ATP10B: variants seen among roughly 807,000 people sequenced by gnomAD.
The protein encoded by ATP10B is phospholipid-transporting ATPase VB.
Under a neutral mutation model 141.2 loss-of-function variants are expected in ATP10B, and 122 were observed. The observed-to-expected ratio is 0.86, with a 90% confidence interval of 0.75 to 1.00. ATP10B has a LOEUF of 1.00. ATP10B is among the 50% of genes least tolerant of loss of function. ATP10B has a pLI of 0.00. For synonymous variants in ATP10B, 685 were observed against 692.0 expected, an observed-to-expected ratio of 0.99 and a Z score of 0.16; for missense variants, 1,876 against 1,825.3, an observed-to-expected ratio of 1.03 and a Z score of -0.51.
chr5:160,789,645 CT>C (rs1431137451), intron 1 of ATP10B, among the ~76,000 whole-genome samples: 1 of 152,122 alleles, frequency 6.6e-6, no homozygotes, highest in Non-Finnish European at 1.5e-5. Context: ...CACTTTGCAT[CT>C]ATTATCTTAA....
chr5:160,735,999 G>A (rs1286847110), intron 2 of ATP10B, among the ~76,000 whole-genome samples: 1 of 152,132 alleles, frequency 6.6e-6, no homozygotes, highest in African/African-American at 2.4e-5. Context: ...GCATTACTAA[G>A]AGGGAAGTTT....
chr5:160,854,749 C>CT (rs796823184), upstream of ATP10B, among the ~76,000 whole-genome samples: 13 of 152,232 alleles, frequency 8.5e-5, no homozygotes, highest in African/African-American at 3.1e-4. Flanking sequence ...GCACTGTCTT[C>CT]TACAATGGTT....
At chr5:160,883,343 G>A in the ATP10B span, among the ~76,000 whole-genome samples, 1 of 152,280 alleles carries the variant, frequency 6.6e-6, no homozygotes, top group Admixed American at 6.5e-5. Context: ...AAGACCTGTG[G>A]TGAGGACAGA....
chr5:160,765,569 G>T (rs1036538679), intron 2 of ATP10B, among the ~76,000 whole-genome samples: 4 of 152,062 alleles, frequency 2.6e-5, no homozygotes. Context: ...AACTCAAGTT[G>T]GATCAAATAC....
intron 7 of ATP10B, among the ~76,000 whole-genome samples, chr5:160,654,374 A>C (rs897940352): frequency 2.6e-5 from 4 of 152,118 alleles, no homozygotes; most frequent in African/African-American, 4.8e-5. Context: ...AGCTCGCCTA[A>C]CTGGACACTT....
At chr5:160,908,204 A>G in the ATP10B span, among the ~76,000 whole-genome samples, 2 of 152,204 alleles carry the variant, frequency 1.3e-5, no homozygotes, top group African/African-American at 4.8e-5. Context: ...AGAGGAAATG[A>G]CATCTACAAA....
chr5:160,581,734 C>T (rs557461238), intron 24 of ATP10B, among the ~76,000 whole-genome samples: 1 of 152,162 alleles, frequency 6.6e-6, no homozygotes, highest in Non-Finnish European at 1.5e-5. Flanking sequence ...GATCTGTCTA[C>T]TATTGACAGT....
At chr5:160,849,806 A>G (rs556132013) in intron 1 of ATP10B, among the ~76,000 whole-genome samples, 4 of 152,316 alleles carry the variant, frequency 2.6e-5, no homozygotes, top group African/African-American at 9.6e-5. Flanking sequence ...TCTTAATAAA[A>G]GGGTATTTTA....
chr5:160,596,700 G>A (rs868203590), intron 22 of ATP10B, among the ~76,000 whole-genome samples: 28 of 151,902 alleles, frequency 1.8e-4, no homozygotes, highest in Admixed American at 1.1e-3. Context: ...CAAAGTCTCA[G>A]GATACAAAAT....
At chr5:160,799,424 C>T (rs192146658) in intron 1 of ATP10B, among the ~76,000 whole-genome samples, 31 of 152,312 alleles carry the variant, frequency 2.0e-4, no homozygotes, top group African/African-American at 4.1e-4. Context: ...TACCTGGTGA[C>T]GCCATGTGTT....
chr5:160,770,830 T>C (rs1181376029), intron 2 of ATP10B, among the ~76,000 whole-genome samples: 1 of 152,226 alleles, frequency 6.6e-6, no homozygotes, highest in Non-Finnish European at 1.5e-5. Context: ...AGTAAACTAC[T>C]GAATAGATGG....
chr5:160,816,887 A>G (rs1191392148), intron 1 of ATP10B, among the ~76,000 whole-genome samples: 1 of 152,234 alleles, frequency 6.6e-6, no homozygotes, highest in African/African-American at 2.4e-5. Flanking sequence ...TATAAACAGA[A>G]CCAAAGACAA....
chr5:160,623,164 C>T (rs1169444370), intron 13 of ATP10B, among the ~76,000 whole-genome samples: 1 of 152,182 alleles, frequency 6.6e-6, no homozygotes, highest in Non-Finnish European at 1.5e-5. Context: ...TTCCTCTGAT[C>T]ACACTTTGCT....
chr5:160,624,921 A>C (rs1447704646), intron 13 of ATP10B, among the ~76,000 whole-genome samples: 1 of 152,168 alleles, frequency 6.6e-6, no homozygotes, highest in Non-Finnish European at 1.5e-5. Context: ...GATTCCAGGG[A>C]CCATCTAGTG....
chr5:160,672,380 C>T (rs527589124), intron 6 of ATP10B, among the ~76,000 whole-genome samples: 1 of 152,256 alleles, frequency 6.6e-6, no homozygotes, highest in East Asian at 1.9e-4. Flanking sequence ...ATTCCACCTT[C>T]TACCATTCTT....
chr5:160,652,948 A>G (rs1234478080), intron 7 of ATP10B, among the ~76,000 whole-genome samples: 3 of 89,532 alleles, frequency 3.4e-5, no homozygotes, highest in East Asian at 2.9e-4. Flanking sequence ...TGTATATATA[A>G]TATATTATAT....
At chr5:160,742,588 T>C (rs1337428768) in intron 2 of ATP10B, among the ~76,000 whole-genome samples, 4 of 152,194 alleles carry the variant, frequency 2.6e-5, no homozygotes, top group African/African-American at 9.7e-5. Context: ...ATAGGTATTG[T>C]CAAAGAAACA....
chr5:160,825,479 T>C (rs1339332935), intron 1 of ATP10B, among the ~76,000 whole-genome samples: 3 of 152,316 alleles, frequency 2.0e-5, no homozygotes, highest in African/African-American at 4.8e-5. Context: ...TCCACCAACA[T>C]TGTGAGGCCT....
chr5:160,577,127 A>G (rs1182701473), intron 24 of ATP10B, among the ~76,000 whole-genome samples: 1 of 152,222 alleles, frequency 6.6e-6, no homozygotes, highest in Admixed American at 6.5e-5. Context: ...TGCAAGTGAC[A>G]GTGTGCCTGA....
Sources: gnomAD v4.1 joint callset for allele counts (sites outside exome capture counted in the v4.1 genomes callset) on GRCh38, gnomAD v4.1.1 for gene constraint, MANE v1.5 for transcripts, NCBI Gene and HGNC (gene_info 2026-07-23, HGNC 2026-07-21) for gene names.